The following PIEZO2 variants were observed in gnomAD, a reference collection of about 807,000 sequenced individuals.
PIEZO2 encodes piezo type mechanosensitive ion channel component 2.
PIEZO2 carries 172 observed loss-of-function variants against 337.3 expected under a neutral mutation model. That is an observed-to-expected ratio of 0.51 (90% confidence interval 0.45 to 0.58). The LOEUF (loss-of-function observed/expected upper bound fraction) is 0.58, where lower values mean the gene tolerates loss of function less well. Ranked by LOEUF, PIEZO2 falls within the 20% of genes least tolerant of loss-of-function variation. The pLI is 0.00. For missense variants in PIEZO2, 3,028 were observed against 3,391.3 expected (o/e 0.89, Z 2.66); for synonymous variants, 1,251 against 1,228.5 (o/e 1.02, Z -0.38).
intron 4 of PIEZO2, among the ~76,000 whole-genome samples, chr18:10,902,703 C>T (rs915049590): frequency 3.3e-5 from 5 of 152,146 alleles, no homozygotes; most frequent in Non-Finnish European, 2.9e-5. Context: ...CAGGTTGTTT[C>T]GTTTCATATC....
At position 10,724,954 on chromosome 18, in the gene PIEZO2, C is replaced by G; in HGVS notation, c.5029+6453G>C. The G allele has an allele frequency of 6.3e-7, 1 of 1,589,194 alleles. No individual in the cohort carries two copies. Among genetic ancestry groups the G allele is most frequent in the Non-Finnish European group, 8.6e-7 (1 of 1,162,794 alleles). ...GCGATGGAACCCAGGTGGGCGCACC[C>G]TGCGGCCTGCAGCCTCCCTGCCTCA... On this transcript the variant is annotated intron_variant, in intron 36 of 55. Transcript: ENST00000674853. The surrounding 1 kb of genome is among the most constrained non-coding windows in gnomAD (Gnocchi z 5.8).
chr18:10,885,110 G>A (rs2042538454), intron 4 of PIEZO2, among the ~76,000 whole-genome samples: 1 of 152,144 alleles, frequency 6.6e-6, no homozygotes, highest in Admixed American at 6.5e-5. Flanking sequence ...AACACCACAC[G>A]TGTGTGGCAA....
In PIEZO2 at chr18:11,038,804, T is replaced by C. The variant is rs2037013184; in HGVS notation, c.160+27323A>G. Among the ~76,000 whole-genome samples the C allele has an allele frequency of 1.3e-5, 2 of 152,162 alleles. No homozygotes were observed. Among genetic ancestry groups the C allele is most frequent in the Non-Finnish European group, 2.9e-5 (2 of 68,038 alleles). On this transcript the variant is annotated intron_variant, in intron 2 of 55. Coordinates refer to ENST00000674853, the MANE Select transcript of PIEZO2 (RefSeq NM_001378183.1). The surrounding 1 kb of genome is among the most constrained non-coding windows in gnomAD (Gnocchi z 4.1). ...TCTATACAACCTATAGGTATAACGG[T>C]GAGACACAAATTAGATAACATATGA...
intron 4 of PIEZO2, among the ~76,000 whole-genome samples, chr18:10,886,188 T>C (rs2042572838): frequency 1.3e-5 from 2 of 149,182 alleles, no homozygotes; most frequent in South Asian, 4.3e-4. Context: ...TTGTGCATTT[T>C]GCGCATTTGT....
At position 10,945,001 on chromosome 18, in the gene PIEZO2, A is replaced by G. The variant is rs1181636889; in HGVS notation, c.287-33773T>C. 6.6e-6 allele frequency among the ~76,000 whole-genome samples: 1 copy of G among 152,150 alleles called. No homozygotes were observed. The highest frequency in any genetic ancestry group is 1.9e-4 in the East Asian group (1 of 5,178). ...GCAGAACCCAGGGTACTCCCTCAGT[A>G]GAGGAGACAAAGCTAAGAATCCAGG... On this transcript the variant is annotated intron_variant, in intron 3 of 55. Transcript: ENST00000674853. The surrounding 1 kb of genome is among the most constrained non-coding windows in gnomAD (Gnocchi z 4.0).
At position 10,903,923 on chromosome 18, in the gene PIEZO2, A is replaced by G. The variant is rs746948505; in HGVS notation, c.329+7263T>C. 3.3e-5 allele frequency among the ~76,000 whole-genome samples: 5 copies of G among 152,140 alleles called. No homozygotes were observed. The highest frequency in any genetic ancestry group is 1.3e-4 in the Admixed American group (2 of 15,258). On this transcript the variant is annotated intron_variant, in intron 4 of 55. Transcript: ENST00000674853. The surrounding 1 kb of genome is among the most constrained non-coding windows in gnomAD (Gnocchi z 4.1). Reference sequence around the variant, plus strand: ...GCCAGGCCTTGCCTCAACCTCACACATTGACCTACTCCTTCTTCCACTTCT... The same window carrying G: ...GCCAGGCCTTGCCTCAACCTCACACGTTGACCTACTCCTTCTTCCACTTCT...
chr18:11,121,222 A>G (rs1263394160), intron 1 of PIEZO2, among the ~76,000 whole-genome samples: 1 of 147,282 alleles, frequency 6.8e-6, no homozygotes, highest in East Asian at 2.0e-4. Flanking sequence ...ACTGCGTTCC[A>G]TCCTGGGCAA....
chr18:10,759,627 TCAC>T lies in PIEZO2; in HGVS notation c.3656-47_3656-45del. The T allele has an allele frequency of 2.6e-6, 4 of 1,535,156 alleles. No individual in the cohort carries two copies. The highest frequency in any genetic ancestry group is 2.6e-6 in the Non-Finnish European group (3 of 1,144,972). On this transcript the variant is annotated intron_variant, in intron 25 of 55. Transcript: ENST00000674853. The surrounding 1 kb of genome is among the most constrained non-coding windows in gnomAD (Gnocchi z 5.5). Reference sequence around the variant, plus strand: ...CGAACAGCACAATCAATACTCTTCTTCACCACTCTTCTCCCAGCCGTCCGCTCA... The same window carrying T: ...CGAACAGCACAATCAATACTCTTCTTCACTCTTCTCCCAGCCGTCCGCTCA...
At position 11,148,459 on chromosome 18, in the gene PIEZO2, G is replaced by T; in HGVS notation, c.64+66C>A. ...GCACCAGAGCCCTTCACTTTGTTAA[G>T]AAGTCCCCCACCCAGGCGCCCCCCT... is the stretch of plus-strand genomic sequence containing the variant. On this transcript the variant is annotated intron_variant, in intron 1 of 55. Transcript: ENST00000674853. This position sits in a 1 kb window ranked among gnomAD's most constrained non-coding sequence, Gnocchi z 5.2. The T allele has an allele frequency of 6.7e-7, 1 of 1,501,516 alleles. No individual in the cohort carries two copies. The highest frequency in any genetic ancestry group is 1.2e-5 in the South Asian group (1 of 83,132). The allele number at this position is 1,501,516 out of a possible 1,614,324, so 93.0% of individuals were successfully genotyped here. A position where few individuals can be genotyped will look rare whatever the true frequency, so the allele number is the denominator to read the frequency against.
In PIEZO2 at chr18:10,720,415, GTATGTATATATATATA is replaced by G. The variant is rs1360110133; in HGVS notation, c.5030-2172_5030-2157del. ...TGTGTGTGTGTGTGTATGTGTATGT[GTATGTATATATATATA>G]TATATATATATATATATATATATAT... On this transcript the variant is annotated intron_variant, in intron 36 of 55. Transcript: ENST00000674853. Among the ~76,000 whole-genome samples the G allele has an allele frequency of 2.0e-3, 79 of 39,914 alleles. 5 individuals are homozygous for G. The highest frequency in any genetic ancestry group is 3.1e-3 in the South Asian group (3 of 954). 26.2% of individuals were successfully genotyped at this position (39,914 alleles called of 152,430 possible).
intron 2 of PIEZO2, among the ~76,000 whole-genome samples, chr18:11,059,848 T>C (rs898784345): frequency 2.3e-4 from 35 of 152,050 alleles, no homozygotes; most frequent in South Asian, 4.1e-4. Flanking sequence ...GACAGATCAA[T>C]GAGACAGAAA....
intron 5 of PIEZO2, among the ~76,000 whole-genome samples, chr18:10,865,746 A>AGTAGTACGAAGAAGTGACTGAGATTCCT (rs2041988788): frequency 2.0e-5 from 3 of 152,174 alleles, no homozygotes; most frequent in Admixed American, 2.0e-4. Flanking sequence ...AAAGGAGGAA[A>AGTAGTACGAAGAAGTGACTGAGATTCCT]GTAGTACGAA....
chr18:10,829,649 T>C (rs941000174), intron 7 of PIEZO2, among the ~76,000 whole-genome samples: 18 of 152,142 alleles, frequency 1.2e-4, no homozygotes, highest in Middle Eastern at 3.2e-3. Context: ...CATTTCTATA[T>C]GGCCAACAGC....
chr18:10,897,213 G>A (rs993849348), intron 4 of PIEZO2, among the ~76,000 whole-genome samples: 1 of 151,094 alleles, frequency 6.6e-6, no homozygotes, highest in East Asian at 1.9e-4. Context: ...CTGAGATGGA[G>A]CCTCGCTCTG....
chr18:10,675,524 G>A (rs1006806363), intron 53 of PIEZO2, among the ~76,000 whole-genome samples: 5 of 152,184 alleles, frequency 3.3e-5, no homozygotes, highest in African/African-American at 7.2e-5. Context: ...CAACAAGCTC[G>A]GTGATGGCTT....
rs150736939 is a variant in PIEZO2, at chr18:10,865,494, G to T, written c.492+5759C>A. Reference sequence around the variant, plus strand: ...TTTGAAGGTATAATTCAAAGGATTTGTTGGTGGTGACAGACAAAGGCCCCA... The same window carrying T: ...TTTGAAGGTATAATTCAAAGGATTTTTTGGTGGTGACAGACAAAGGCCCCA... On this transcript the variant is annotated intron_variant, in intron 5 of 55. Coordinates refer to ENST00000674853, the MANE Select transcript of PIEZO2 (RefSeq NM_001378183.1). Among the ~76,000 whole-genome samples, 1,145 of 152,242 alleles carry T rather than the reference G, an allele frequency of 7.5e-3. 10 individuals are homozygous for T. The highest frequency in any genetic ancestry group is 0.026 in the African/African-American group (1,070 of 41,532).
At position 10,903,407 on chromosome 18, in the gene PIEZO2, C is replaced by G. The variant is rs1568182376; in HGVS notation, c.329+7779G>C. ...TCAAGGCCAGGCACGGTGGCTCACG[C>G]CTGTAATCCCAGCACTTTGAGAGGC... On this transcript the variant is annotated intron_variant, in intron 4 of 55. Coordinates refer to ENST00000674853, the MANE Select transcript of PIEZO2 (RefSeq NM_001378183.1). This position sits in a 1 kb window ranked among gnomAD's most constrained non-coding sequence, Gnocchi z 4.1. Among the ~76,000 whole-genome samples the G allele has an allele frequency of 6.6e-6, 1 of 152,162 alleles. No individual in the cohort carries two copies. Among genetic ancestry groups the G allele is most frequent in the Non-Finnish European group, 1.5e-5 (1 of 68,038 alleles).
rs759946691 is a variant in PIEZO2 at position 10,704,447 on chromosome 18, A to G, written c.6205T>C (p.Ser2069Pro). 5 of 1,537,192 alleles carry G rather than the reference A, an allele frequency of 3.3e-6. 1 individual carries two copies. In the South Asian group the frequency reaches 5.9e-5, roughly 18 times the overall value. ...AACCGGCGGCTGGGCCTGGGGACGG[A>G]CAACATGGCCCAGAGGAAGATGAGG... Reference protein sequence around the residue: ...PILIFLWAMLSVPRPSRRFWM... With the variant: ...PILIFLWAMLPVPRPSRRFWM... Residue 2069 changes from serine (S) to proline (P), a missense_variant, in exon 42 of 56, where the codon TCC becomes CCC. Coordinates refer to ENST00000674853, the MANE Select transcript of PIEZO2 (RefSeq NM_001378183.1).
chr18:10,858,274 G>A (rs1410575961), intron 5 of PIEZO2, among the ~76,000 whole-genome samples: 1 of 124,416 alleles, frequency 8.0e-6, no homozygotes, highest in African/African-American at 3.0e-5. Context: ...AGTGAGCCGA[G>A]ATTGTGCCAC....
Sources: gnomAD v4.1 joint callset for allele counts (sites outside exome capture counted in the v4.1 genomes callset) on GRCh38, gnomAD v4.1.1 for gene constraint, Gnocchi (gnomAD v3.1) non-coding constraint, MANE v1.5 for transcripts, NCBI Gene and HGNC (gene_info 2026-07-23, HGNC 2026-07-21) for gene names.